The following GDNF variants were observed in gnomAD, a reference collection of about 807,000 sequenced individuals.
GDNF encodes the protein glial cell line-derived neurotrophic factor.
Under a neutral mutation model 13.7 loss-of-function variants are expected in GDNF, and 5 were observed. The ratio of observed to expected loss-of-function variants is 0.36; its 90% CI spans 0.19 to 0.77. The LOEUF (loss-of-function observed/expected upper bound fraction) is 0.77, where lower values mean the gene tolerates loss of function less well. Ranked by LOEUF, GDNF falls within the 30% of genes least tolerant of loss-of-function variation. GDNF has a pLI of 0.51. For missense variants in GDNF, 246 were observed against 274.3 expected, an observed-to-expected ratio of 0.90 and a Z score of 0.73; for synonymous variants, 122 against 112.5, an observed-to-expected ratio of 1.08 and a Z score of -0.53.
Position 37,815,765 on chromosome 5 carries a change from T to C in GDNF, c.522A>G (p.Val174=). 4 of 1,614,228 alleles carry C rather than the reference T, an allele frequency of 2.5e-6. No individual in the cohort carries two copies. Among genetic ancestry groups the C allele is most frequent in the Non-Finnish European group, 3.4e-6 (4 of 1,180,026 alleles). Residue 174 remains valine (V), a synonymous_variant, in exon 3 of 3, where the codon GTA becomes GTG. Coordinates refer to ENST00000326524, the MANE Select transcript of GDNF (RefSeq NM_000514.4). This position sits in a 1 kb window ranked among gnomAD's most constrained non-coding sequence, Gnocchi z 5.0. ...CGATGGGTCTGCAACATGCCTGCCC[T>C]ACTTTGTCACTCACCAGCCTTCTAT... ...SRNRRLVSDK[V]GQACCRPIAF...
chr5:37,826,875 T>C (rs1038177681), intron 2 of GDNF, among the ~76,000 whole-genome samples: 2 of 152,232 alleles, frequency 1.3e-5, no homozygotes, highest in African/African-American at 4.8e-5. Flanking sequence ...GCCATTCTAT[T>C]GTGGGGCCTG....
chr5:37,824,693 T>A (rs913686258), intron 2 of GDNF, among the ~76,000 whole-genome samples: 1 of 152,270 alleles, frequency 6.6e-6, no homozygotes, highest in African/African-American at 2.4e-5. Context: ...TGTAATGACC[T>A]TCCGTGCTTT....
intron 2 of GDNF, among the ~76,000 whole-genome samples, chr5:37,818,269 CAT>C (rs1349087729): frequency 2.6e-5 from 4 of 152,212 alleles, no homozygotes; most frequent in Non-Finnish European, 1.5e-5. Flanking sequence ...ATAATCCCCA[CAT>C]GTTGTGGGAG....
chr5:37,817,885 A>G (rs1269312024), intron 2 of GDNF, among the ~76,000 whole-genome samples: 1 of 152,156 alleles, frequency 6.6e-6, no homozygotes, highest in Non-Finnish European at 1.5e-5. Context: ...CTTTAAACGC[A>G]GAACATAACC....
At chr5:37,816,253 G>T in intron 2 of GDNF, 118 bp from the exon 3 acceptor site, 1 of 938,544 alleles carries the variant, frequency 1.1e-6, no homozygotes, top group Non-Finnish European at 1.7e-6. Flanking sequence ...AAAACTATCA[G>T]CCGATTAAGC....
rs1173755762 is a variant in GDNF at position 37,837,805 on chromosome 5, C to T, written c.-27+1702G>A. ...GGTTTCTTGGCAACCTGCTTTCAGA[C>T]CATCCCTCACCCCTTCCACGCGTCA... On this transcript the variant is annotated intron_variant, in intron 1 of 2. Transcript: ENST00000326524. This position sits in a 1 kb window ranked among gnomAD's most constrained non-coding sequence, Gnocchi z 6.5. 1.2e-4 allele frequency among the ~76,000 whole-genome samples: 18 copies of T among 152,234 alleles called. No homozygotes were observed. The highest frequency in any genetic ancestry group is 4.2e-4 in the South Asian group (2 of 4,816).
rs1009990586 is a variant in GDNF at position 37,837,597 on chromosome 5, C to T, written c.-27+1910G>A. 3.9e-5 allele frequency among the ~76,000 whole-genome samples: 6 copies of T among 152,210 alleles called. No homozygotes were observed. The highest frequency in any genetic ancestry group is 7.3e-5 in the Non-Finnish European group (5 of 68,046). ...AGAAACCGTCTGAGCCGTGTCGCGC[C>T]CACGCGGCCCGGAGGCTGTGTTATC... On this transcript the variant is annotated intron_variant, in intron 1 of 2. Transcript: ENST00000326524. This position sits in a 1 kb window ranked among gnomAD's most constrained non-coding sequence, Gnocchi z 6.5.
intron 2 of GDNF, among the ~76,000 whole-genome samples, chr5:37,833,069 TG>T (rs1414216010): frequency 6.6e-6 from 1 of 152,266 alleles, no homozygotes. Context: ...GCCAGGAGCC[TG>T]AGCCAGAATT....
intron 2 of GDNF, among the ~76,000 whole-genome samples, chr5:37,821,123 A>G (rs1750123265): frequency 6.6e-6 from 1 of 152,174 alleles, no homozygotes; most frequent in Non-Finnish European, 1.5e-5. Flanking sequence ...ATTAGGCGCC[A>G]TACTCCTCTG....
At chr5:37,823,276 C>A (rs1750202232) in intron 2 of GDNF, 1 of 152,198 alleles carries the variant, frequency 6.6e-6, no homozygotes, top group African/African-American at 2.4e-5. Context: ...ACTCTACTAC[C>A]ACTGAGCTCT....
At chr5:37,834,573 G>T in intron 2 of GDNF, 73 bp downstream of exon 2, 1 of 1,298,944 alleles carries the variant, frequency 7.7e-7, no homozygotes, top group Non-Finnish European at 1.0e-6. Flanking sequence ...TGGGGTACGT[G>T]CGGGGCTGGC....
rs1445803523 is a variant in GDNF, at chr5:37,838,491, G to C, written c.-27+1016C>G. Reference sequence around the variant, plus strand: ...GCGTTCTAACATCTCCGCAGCAGGGGCCGGAAGAGTTGCCTTTGTCCCCGC... The same window carrying C: ...GCGTTCTAACATCTCCGCAGCAGGGCCCGGAAGAGTTGCCTTTGTCCCCGC... On this transcript the variant is annotated intron_variant, in intron 1 of 2. Coordinates refer to ENST00000326524, the MANE Select transcript of GDNF (RefSeq NM_000514.4). The surrounding 1 kb of genome is among the most constrained non-coding windows in gnomAD (Gnocchi z 4.1). Among the ~76,000 whole-genome samples the C allele has an allele frequency of 6.6e-6, 1 of 152,234 alleles. No individual in the cohort carries two copies. Among genetic ancestry groups the C allele is most frequent in the Non-Finnish European group, 1.5e-5 (1 of 68,044 alleles).
At position 37,839,615 on chromosome 5, in the gene GDNF, A is replaced by G. The variant is rs1750824283; in HGVS notation, c.-135T>C. On this transcript the variant is annotated 5_prime_UTR_variant, in exon 1 of 3. Transcript: ENST00000326524. This position sits in a 1 kb window ranked among gnomAD's most constrained non-coding sequence, Gnocchi z 5.5. ...TGGCTGGAGCGCGGAGCCCCGCCCA[A>G]CAGGTCAGGGGCAAGAGTTCGCAAT... is the stretch of plus-strand genomic sequence containing the variant. 1 of 152,224 alleles carries G rather than the reference A, an allele frequency of 6.6e-6. No individual in the cohort carries two copies. Among genetic ancestry groups the G allele is most frequent in the Non-Finnish European group, 1.5e-5 (1 of 68,100 alleles). 9.4% of individuals were successfully genotyped at this position (152,224 alleles called of 1,614,324 possible).
In GDNF at chr5:37,837,815, C is replaced by T. The variant is rs972154980; in HGVS notation, c.-27+1692G>A. Among the ~76,000 whole-genome samples, 1 of 152,102 alleles carries T rather than the reference C, an allele frequency of 6.6e-6. No individual in the cohort carries two copies. Reference sequence around the variant, plus strand: ...CAACCTGCTTTCAGACCATCCCTCACCCCTTCCACGCGTCACCGTGACAGA... The same window carrying T: ...CAACCTGCTTTCAGACCATCCCTCATCCCTTCCACGCGTCACCGTGACAGA... On this transcript the variant is annotated intron_variant, in intron 1 of 2. Transcript: ENST00000326524. The surrounding 1 kb of genome is among the most constrained non-coding windows in gnomAD (Gnocchi z 6.5).
Position 37,815,611 on chromosome 5 carries a change from G to A in GDNF, c.*40C>T. ...GAACCTTGGTCCCTTTCTTTGCACT[G>A]TAGCAGGAATGCAATACACAGCAGT... On this transcript the variant is annotated 3_prime_UTR_variant, in exon 3 of 3. Transcript: ENST00000326524. The surrounding 1 kb of genome is among the most constrained non-coding windows in gnomAD (Gnocchi z 5.0). The A allele has an allele frequency of 6.3e-7, 1 of 1,596,514 alleles. No individual in the cohort carries two copies. The highest frequency in any genetic ancestry group is 8.6e-7 in the Non-Finnish European group (1 of 1,164,378).
At chr5:37,823,066 T>C (rs1001133545) in intron 2 of GDNF, among the ~76,000 whole-genome samples, 1 of 152,232 alleles carries the variant, frequency 6.6e-6, no homozygotes, top group Non-Finnish European at 1.5e-5. Context: ...GGTGGAATAC[T>C]GCCTACTTTC....
At chr5:37,817,425 T>G (rs1749972406) in intron 2 of GDNF, among the ~76,000 whole-genome samples, 1 of 152,154 alleles carries the variant, frequency 6.6e-6, no homozygotes, top group Admixed American at 6.5e-5. Flanking sequence ...AAAGAAGAGT[T>G]GTCAGCAAGA....
At chr5:37,835,169 C>T (rs1750661384) in intron 1 of GDNF, among the ~76,000 whole-genome samples, 1 of 150,866 alleles carries the variant, frequency 6.6e-6, no homozygotes, top group African/African-American at 2.4e-5. Context: ...TGGTGCGCAA[C>T]ATCCCCCATT....
At chr5:37,822,536 G>A (rs568543523) in intron 2 of GDNF, among the ~76,000 whole-genome samples, 6 of 152,318 alleles carry the variant, frequency 3.9e-5, no homozygotes, top group African/African-American at 1.4e-4. Flanking sequence ...TGCGGCTGCC[G>A]AGGTGCGGTG....
Sources: allele counts gnomAD v4.1 joint callset (sites outside exome capture counted in the v4.1 genomes callset), GRCh38; gene constraint gnomAD v4.1.1; non-coding constraint Gnocchi (gnomAD v3.1); transcripts MANE v1.5; gene names NCBI Gene and HGNC (gene_info 2026-07-23, HGNC 2026-07-21).